Variants in CUBN observed in about 807,000 individuals in gnomAD.
CUBN encodes 460 kDa receptor.
A neutral mutation model predicts 405.3 loss-of-function variants in CUBN; 282 were observed. The ratio of observed to expected loss-of-function variants is 0.70; its 90% CI spans 0.63 to 0.77. The LOEUF is 0.77. CUBN is among the 30% of genes least tolerant of loss of function. CUBN has a pLI of 0.00. For missense variants in CUBN, 4,514 were observed against 4,475.2 expected, an observed-to-expected ratio of 1.01 and a Z score of -0.25; for synonymous variants, 1,684 against 1,617.0, an observed-to-expected ratio of 1.04 and a Z score of -0.99.
intron 15 of CUBN, among the ~76,000 whole-genome samples, chr10:17,087,476 T>G (rs74763511): frequency 1.2e-4 from 13 of 108,714 alleles, no homozygotes; most frequent in African/African-American, 4.0e-4. Flanking sequence ...CTTTTTCTTT[T>G]TTTTTTTTTT....
In CUBN at chr10:17,115,374, A is replaced by G. The variant is rs1423735336; in HGVS notation, c.720+97T>C. Reference sequence around the variant, plus strand: ...AGACAGGAAGTGACTTCACCTCTGTAAGCTCCAGGTAGTGCTTGTATGCAG... The same window carrying G: ...AGACAGGAAGTGACTTCACCTCTGTGAGCTCCAGGTAGTGCTTGTATGCAG... On this transcript the variant is annotated intron_variant, in intron 7 of 66. Transcript: ENST00000377833. 2.6e-6 allele frequency: 4 copies of G among 1,513,148 alleles called. No individual in the cohort carries two copies. The African/African-American group carries it at 5.5e-5, about 21-fold the overall frequency. 93.7% of individuals were successfully genotyped at this position (1,513,148 alleles called of 1,614,324 possible).
At chr10:16,887,687 T>G (rs956922053) in intron 56 of CUBN, among the ~76,000 whole-genome samples, 9 of 152,154 alleles carry the variant, frequency 5.9e-5, no homozygotes, top group African/African-American at 2.2e-4. Context: ...ACATTAAAAA[T>G]AGAACTACCA....
chr10:16,971,392 C>A (rs1472331150), intron 31 of CUBN, among the ~76,000 whole-genome samples: 2 of 152,236 alleles, frequency 1.3e-5, no homozygotes, highest in Non-Finnish European at 2.9e-5. Context: ...TCCAGCCTTG[C>A]CAGGGCATTG....
chr10:17,110,446 T>C (rs939137427), intron 9 of CUBN, among the ~76,000 whole-genome samples: 2 of 152,242 alleles, frequency 1.3e-5, no homozygotes, highest in Non-Finnish European at 1.5e-5. Context: ...TTTCTTATCA[T>C]AGAGTTGTAC....
At chr10:17,017,896 G>T (rs1467480064) in intron 28 of CUBN, among the ~76,000 whole-genome samples, 1 of 152,136 alleles carries the variant, frequency 6.6e-6, no homozygotes, top group African/African-American at 2.4e-5. Flanking sequence ...GGAGGCAAGG[G>T]TCAGGATAGA....
intron 48 of CUBN, among the ~76,000 whole-genome samples, chr10:16,908,058 T>C (rs998614733): frequency 2.0e-5 from 3 of 152,228 alleles, no homozygotes; most frequent in African/African-American, 7.2e-5. Flanking sequence ...TCAGGACATT[T>C]GTTACTTGGA....
At chr10:16,867,727 T>C (rs555684348) in intron 59 of CUBN, among the ~76,000 whole-genome samples, 3 of 152,342 alleles carry the variant, frequency 2.0e-5, no homozygotes, top group South Asian at 4.1e-4. Flanking sequence ...GTGACTGTAA[T>C]TGTTCAATGA....
chr10:17,100,747 C>T (rs1256785167), intron 13 of CUBN, among the ~76,000 whole-genome samples: 3 of 152,154 alleles, frequency 2.0e-5, no homozygotes, highest in South Asian at 2.1e-4. Context: ...CAGCCCAGAC[C>T]GACACGCTCA....
In CUBN at chr10:16,931,100, C is replaced by CA. The variant is rs764466526; in HGVS notation, c.6124+1986dup. On this transcript the variant is annotated intron_variant, in intron 40 of 66. Coordinates refer to ENST00000377833, the MANE Select transcript of CUBN (RefSeq NM_001081.4). ...TGAAACCCCACCTCTACTAAAAATA[C>CA]AAAAAAAAAAAAAATTAGCTGAGTG... 3.5e-3 allele frequency among the ~76,000 whole-genome samples: 472 copies of CA among 132,990 alleles called. 2 individuals carry two copies. The highest frequency in any genetic ancestry group is 7.8e-3 in the Middle Eastern group (2 of 258). 87.2% of individuals were successfully genotyped at this position (132,990 alleles called of 152,430 possible). A position where few individuals can be genotyped will look rare whatever the true frequency, so the allele number is the denominator to read the frequency against.
intron 36 of CUBN, among the ~76,000 whole-genome samples, chr10:16,943,687 C>T (rs1369379917): frequency 6.6e-6 from 1 of 152,216 alleles, no homozygotes; most frequent in Non-Finnish European, 1.5e-5. Context: ...ACATCGGCAT[C>T]ACCGGAGAGC....
intron 19 of CUBN, among the ~76,000 whole-genome samples, chr10:17,070,624 A>G (rs1268403182): frequency 1.3e-5 from 2 of 152,098 alleles, no homozygotes; most frequent in Admixed American, 6.6e-5. Flanking sequence ...TTTTAATGCT[A>G]TTGTAAATGG....
intron 58 of CUBN, among the ~76,000 whole-genome samples, chr10:16,872,216 G>A (rs1840376665): frequency 6.6e-6 from 1 of 151,890 alleles, no homozygotes; most frequent in Admixed American, 6.6e-5. Context: ...CTCCAGCCTG[G>A]GCGACAGAGT....
intron 17 of CUBN, among the ~76,000 whole-genome samples, chr10:17,075,077 T>TC (rs201553486): frequency 0.084 from 9,879 of 118,172 alleles, 502 homozygotes; most frequent in African/African-American, 0.11. Flanking sequence ...TGTTTTCTTT[T>TC]TTTTTTTTTT....
chr10:17,055,339 C>A (rs1187150945), intron 22 of CUBN, among the ~76,000 whole-genome samples: 3 of 152,018 alleles, frequency 2.0e-5, no homozygotes, highest in African/African-American at 7.2e-5. Context: ...TAAACGCTTT[C>A]CTGTCAAGAT....
chr10:16,884,808 T>C (rs573640564), intron 56 of CUBN, among the ~76,000 whole-genome samples: 1 of 152,306 alleles, frequency 6.6e-6, no homozygotes, highest in Admixed American at 6.5e-5. Flanking sequence ...GGATACCACA[T>C]CTTTTCCTTG....
chr10:17,063,914 T>G (rs564658320), intron 22 of CUBN, among the ~76,000 whole-genome samples: 220 of 152,068 alleles, frequency 1.4e-3, no homozygotes, highest in African/African-American at 5.2e-3. Context: ...GCCTAGAGAG[T>G]TCAAGTGACT....
chr10:16,922,540 C>G (rs1842064883), intron 43 of CUBN, among the ~76,000 whole-genome samples: 1 of 152,142 alleles, frequency 6.6e-6, no homozygotes, highest in Non-Finnish European at 1.5e-5. Context: ...CTCCCATAAC[C>G]TTTTGATTAA....
intron 59 of CUBN, among the ~76,000 whole-genome samples, chr10:16,858,425 A>T (rs922930240): frequency 2.0e-5 from 3 of 152,136 alleles, no homozygotes; most frequent in African/African-American, 7.2e-5. Context: ...GGCTCAAGGG[A>T]TCCTCCTACC....
At chr10:16,880,232 C>T (rs1280411422) in intron 56 of CUBN, among the ~76,000 whole-genome samples, 1 of 152,174 alleles carries the variant, frequency 6.6e-6, no homozygotes, top group East Asian at 1.9e-4. Context: ...ATTAGAGTCA[C>T]TGTTGCTATT....
Sources: gnomAD v4.1 joint callset for allele counts (sites outside exome capture counted in the v4.1 genomes callset) on GRCh38, gnomAD v4.1.1 for gene constraint, MANE v1.5 for transcripts, NCBI Gene and HGNC (gene_info 2026-07-23, HGNC 2026-07-21) for gene names.